The following ATG10 variants were observed in gnomAD, a reference collection of about 807,000 sequenced individuals.
ATG10 encodes ubiquitin-like-conjugating enzyme ATG10.
ATG10 carries 30 observed loss-of-function variants against 32.1 expected under a neutral mutation model. That is an observed-to-expected ratio of 0.94 (90% CI 0.70 to 1.27). The LOEUF (loss-of-function observed/expected upper bound fraction) is 1.27. Ranked by LOEUF, ATG10 falls within the 50% of genes most tolerant of loss-of-function variation. The pLI is 0.00. For missense variants in ATG10, 233 were observed against 262.3 expected (o/e 0.89, Z 0.77); for synonymous variants, 87 against 91.5 (o/e 0.95, Z 0.28).
chr5:82,173,791 T>A (rs192010104), intron 4 of ATG10, among the ~76,000 whole-genome samples: 1 of 152,318 alleles, frequency 6.6e-6, no homozygotes, highest in African/African-American at 2.4e-5. Context: ...TGAGGCCAGA[T>A]GTAAAAAAAT....
At chr5:82,213,364 T>C (rs1469388442) in intron 5 of ATG10, among the ~76,000 whole-genome samples, 1 of 152,216 alleles carries the variant, frequency 6.6e-6, no homozygotes, top group Non-Finnish European at 1.5e-5. Context: ...TCTCTCCTAG[T>C]CTTACCTGGT....
In ATG10 at chr5:82,206,422, C is replaced by T. The variant is rs563570157; in HGVS notation, c.453+27835C>T. 7.2e-5 allele frequency among the ~76,000 whole-genome samples: 11 copies of T among 151,880 alleles called. No homozygotes were observed. The South Asian group carries it at 1.5e-3, about 20-fold the overall frequency. On this transcript the variant is annotated intron_variant, in intron 5 of 7. Transcript: ENST00000282185. ...CAGCAATTTGGGAGGCTGAGGCGGG[C>T]GGATCACAAGGTCAGGAGATCAAGA...
chr5:82,002,544 A>G (rs1761879818), intron 2 of ATG10, among the ~76,000 whole-genome samples: 1 of 152,212 alleles, frequency 6.6e-6, no homozygotes, highest in Non-Finnish European at 1.5e-5. Flanking sequence ...ACACAGGAAC[A>G]GAAAACCAAA....
intron 3 of ATG10, among the ~76,000 whole-genome samples, chr5:82,093,368 C>T (rs532038490): frequency 1.6e-4 from 25 of 152,230 alleles, no homozygotes; most frequent in Non-Finnish European, 1.8e-4. Flanking sequence ...AGCTTTTCTT[C>T]TGCAGTGTCT....
At chr5:82,158,909 G>C (rs141418212) in intron 3 of ATG10, among the ~76,000 whole-genome samples, 1 of 152,162 alleles carries the variant, frequency 6.6e-6, no homozygotes, top group Non-Finnish European at 1.5e-5. Flanking sequence ...CGCTTTATTG[G>C]TGTGGGAGAT....
At chr5:82,047,623 A>C (rs1446260408) in intron 2 of ATG10, among the ~76,000 whole-genome samples, 1 of 152,186 alleles carries the variant, frequency 6.6e-6, no homozygotes, top group Non-Finnish European at 1.5e-5. Context: ...CTAGCCTGAC[A>C]AGTGGCTAAT....
intron 2 of ATG10, among the ~76,000 whole-genome samples, chr5:82,035,112 A>G (rs1185688865): frequency 2.0e-5 from 3 of 152,032 alleles, no homozygotes; most frequent in African/African-American, 7.2e-5. Flanking sequence ...GGGTTTCACC[A>G]TGTTGGCCAG....
At chr5:82,094,407 A>G (rs911426511) in intron 3 of ATG10, among the ~76,000 whole-genome samples, 4 of 152,246 alleles carry the variant, frequency 2.6e-5, no homozygotes, top group Admixed American at 2.6e-4. Context: ...CCATATTACT[A>G]ATAAATAACA....
chr5:82,152,495 A>C (rs1767644884), intron 3 of ATG10, among the ~76,000 whole-genome samples: 1 of 152,212 alleles, frequency 6.6e-6, no homozygotes, highest in African/African-American at 2.4e-5. Context: ...CCTTAAAATC[A>C]ACATTTCTGC....
chr5:82,174,021 T>G (rs944928792), intron 4 of ATG10, among the ~76,000 whole-genome samples: 1 of 152,194 alleles, frequency 6.6e-6, no homozygotes, highest in Admixed American at 6.6e-5. Flanking sequence ...ATATCCCAGT[T>G]TGTTTCAGTG....
At chr5:82,244,967 G>A (rs1000005023) in intron 5 of ATG10, among the ~76,000 whole-genome samples, 1 of 152,162 alleles carries the variant, frequency 6.6e-6, no homozygotes, top group Non-Finnish European at 1.5e-5. Flanking sequence ...TTATTAAGTT[G>A]TAAGCCTAAC....
intron 5 of ATG10, among the ~76,000 whole-genome samples, chr5:82,195,268 G>C (rs891159): frequency 3.9e-5 from 6 of 152,058 alleles, no homozygotes; most frequent in Non-Finnish European, 8.8e-5. Flanking sequence ...TCTATCCCCA[G>C]ACTTGGCAGG....
At chr5:82,156,425 T>C (rs1174589270) in intron 3 of ATG10, among the ~76,000 whole-genome samples, 1 of 152,142 alleles carries the variant, frequency 6.6e-6, no homozygotes, top group Admixed American at 6.5e-5. Context: ...TACGTCTGTT[T>C]AACATTTCTC....
intron 3 of ATG10, among the ~76,000 whole-genome samples, chr5:82,094,086 C>G (rs1339461435): frequency 6.6e-6 from 1 of 152,098 alleles, no homozygotes; most frequent in Non-Finnish European, 1.5e-5. Flanking sequence ...ATGCTGCTCT[C>G]TCCAGTTTCA....
intron 1 of ATG10, among the ~76,000 whole-genome samples, chr5:81,978,658 TTTG>T (rs941739258): frequency 7.9e-5 from 12 of 152,046 alleles, no homozygotes; most frequent in Admixed American, 2.0e-4. Flanking sequence ...TGTGGTTTTT[TTTG>T]TTGTTGTTTG....
At chr5:81,989,388 A>G (rs1295960943) in intron 2 of ATG10, among the ~76,000 whole-genome samples, 1 of 152,104 alleles carries the variant, frequency 6.6e-6, no homozygotes, top group Non-Finnish European at 1.5e-5. Context: ...CTCTTGGGTC[A>G]TGTGCAGGCT....
chr5:82,181,160 C>A (rs560995484), intron 5 of ATG10, among the ~76,000 whole-genome samples: 9 of 152,174 alleles, frequency 5.9e-5, no homozygotes, highest in Admixed American at 5.2e-4. Context: ...GGCTGGGGCT[C>A]ACTTAATAGG....
In ATG10 at chr5:82,148,365, G is replaced by A. The variant is rs535498113; in HGVS notation, c.217-16034G>A. Among the ~76,000 whole-genome samples, 37 of 152,102 alleles carry A rather than the reference G, an allele frequency of 2.4e-4. No individual in the cohort carries two copies. The South Asian group carries it at 5.0e-3, about 20-fold the overall frequency. On this transcript the variant is annotated intron_variant, in intron 3 of 7. Coordinates refer to ENST00000282185, the MANE Select transcript of ATG10 (RefSeq NM_031482.5). ...GTTCTAGAACATCATCTGGAATTGCGTCACTGTAGAGCACTTCTGTCTCAG... is the reference window on the plus strand; with the variant it reads ...GTTCTAGAACATCATCTGGAATTGCATCACTGTAGAGCACTTCTGTCTCAG...
At chr5:82,251,708 A>C (rs1048310490) in intron 5 of ATG10, among the ~76,000 whole-genome samples, 4 of 152,174 alleles carry the variant, frequency 2.6e-5, no homozygotes, top group African/African-American at 9.7e-5. Context: ...ACAAATAATC[A>C]ATAAATGTAT....
Sources: gnomAD v4.1 joint callset for allele counts (sites outside exome capture counted in the v4.1 genomes callset) on GRCh38, gnomAD v4.1.1 for gene constraint, MANE v1.5 for transcripts, NCBI Gene and HGNC (gene_info 2026-07-23, HGNC 2026-07-21) for gene names.